QTMAN: variants seen among roughly 807,000 people sequenced by gnomAD.
QTMAN encodes tRNA-queuosine alpha-mannosyltransferase.
the QTMAN span, among the ~76,000 whole-genome samples, chr2:144,022,411 T>TCC: frequency 1.8e-4 from 28 of 152,132 alleles, no homozygotes; most frequent in African/African-American, 6.3e-4. Flanking sequence ...CACCTCAGTC[T>TCC]CCCAAGTAGC....
At chr2:144,288,399 G>C in the QTMAN span, among the ~76,000 whole-genome samples, 1 of 152,102 alleles carries the variant, frequency 6.6e-6, no homozygotes, top group Non-Finnish European at 1.5e-5. Flanking sequence ...AAATGTTAGG[G>C]TGATTCTATC....
At chr2:144,078,476 C>G in the QTMAN span, among the ~76,000 whole-genome samples, 1 of 152,192 alleles carries the variant, frequency 6.6e-6, no homozygotes, top group African/African-American at 2.4e-5. Flanking sequence ...TTAAATTTCT[C>G]AAAAACACTC....
chr2:144,062,103 A>T, the QTMAN span, among the ~76,000 whole-genome samples: 1 of 152,150 alleles, frequency 6.6e-6, no homozygotes, highest in Non-Finnish European at 1.5e-5. Flanking sequence ...GAACCCAAAA[A>T]GGCTGTCACA....
the QTMAN span, among the ~76,000 whole-genome samples, chr2:144,200,895 G>A: frequency 6.6e-5 from 10 of 152,258 alleles, no homozygotes; most frequent in East Asian, 1.9e-4. Context: ...AGAGGATACC[G>A]GTAGTGCGCA....
the QTMAN span, among the ~76,000 whole-genome samples, chr2:143,962,838 A>G: frequency 6.6e-6 from 1 of 152,188 alleles, no homozygotes; most frequent in Non-Finnish European, 1.5e-5. Context: ...TCTGAGTTAA[A>G]CAAAGGGTAG....
the QTMAN span, among the ~76,000 whole-genome samples, chr2:144,138,438 G>C: frequency 1.3e-5 from 2 of 151,992 alleles, no homozygotes; most frequent in African/African-American, 2.4e-5. Flanking sequence ...ATTTTAAGAT[G>C]TAAGAAATAA....
chr2:144,260,586 A>G, the QTMAN span, among the ~76,000 whole-genome samples: 4 of 152,098 alleles, frequency 2.6e-5, no homozygotes, highest in Non-Finnish European at 2.9e-5. Context: ...GTACTTATTC[A>G]TTCATTCACT....
the QTMAN span, among the ~76,000 whole-genome samples, chr2:144,284,636 C>T: frequency 1.4e-3 from 216 of 152,196 alleles, no homozygotes; most frequent in Non-Finnish European, 2.2e-3. Context: ...GCATTTTCCA[C>T]TAAATATAAA....
chr2:144,067,910 G>A, the QTMAN span, among the ~76,000 whole-genome samples: 53 of 152,314 alleles, frequency 3.5e-4, 1 homozygote, highest in African/African-American at 1.2e-3. Flanking sequence ...CAAAGGGAAA[G>A]CACCAGGGAG....
the QTMAN span, among the ~76,000 whole-genome samples, chr2:144,224,609 C>T: frequency 6.6e-6 from 1 of 152,040 alleles, no homozygotes; most frequent in African/African-American, 2.4e-5. Context: ...TGAGGAAACA[C>T]CTTGCTGATA....
chr2:143,999,248 C>T, the QTMAN span, among the ~76,000 whole-genome samples: 401 of 152,006 alleles, frequency 2.6e-3, 2 homozygotes, highest in African/African-American at 8.8e-3. Flanking sequence ...ACAGTGCCTT[C>T]GGTGCGTGGA....
the QTMAN span, among the ~76,000 whole-genome samples, chr2:144,019,435 G>GGTGTGTGTGTGTGTGTGTGTGT: frequency 2.3e-4 from 27 of 117,274 alleles, no homozygotes; most frequent in South Asian, 7.3e-4. Flanking sequence ...TAAGCATGCA[G>GGTGTGTGTGTGTGTGTGTGTGT]GTGTGTGTGT....
chr2:144,166,777 A>T, the QTMAN span, among the ~76,000 whole-genome samples: 1 of 152,158 alleles, frequency 6.6e-6, no homozygotes, highest in South Asian at 2.1e-4. Flanking sequence ...TTCAATAATG[A>T]CTCTAACATT....
At chr2:144,291,028 T>C in the QTMAN span, among the ~76,000 whole-genome samples, 15 of 152,256 alleles carry the variant, frequency 9.9e-5, no homozygotes, top group East Asian at 2.7e-3. Context: ...GTTTCAAGTC[T>C]CTCTCTCATC....
the QTMAN span, among the ~76,000 whole-genome samples, chr2:144,029,657 A>G: frequency 1.3e-5 from 2 of 152,338 alleles, no homozygotes; most frequent in East Asian, 3.9e-4. Flanking sequence ...ATGCTAGCAA[A>G]GCTCAGGGAG....
the QTMAN span, among the ~76,000 whole-genome samples, chr2:144,064,376 T>C: frequency 6.6e-6 from 1 of 152,202 alleles, no homozygotes; most frequent in Non-Finnish European, 1.5e-5. Context: ...ATGGAAAGAA[T>C]ATTTCTTTCA....
the QTMAN span, among the ~76,000 whole-genome samples, chr2:144,289,945 A>G: frequency 6.6e-6 from 1 of 152,184 alleles, no homozygotes; most frequent in South Asian, 2.1e-4. Context: ...TACGTAGTGA[A>G]CTGTAACTCA....
the QTMAN span, among the ~76,000 whole-genome samples, chr2:144,068,910 A>T: frequency 6.6e-6 from 1 of 152,200 alleles, no homozygotes; most frequent in East Asian, 1.9e-4. Context: ...AAGAGCCAAG[A>T]AGTCTCAAGA....
the QTMAN span, among the ~76,000 whole-genome samples, chr2:144,185,816 A>G: frequency 6.6e-6 from 1 of 152,232 alleles, no homozygotes; most frequent in African/African-American, 2.4e-5. Flanking sequence ...AGGAGAAAAG[A>G]AGTTAGATTA....
Sources: allele counts gnomAD v4.1 joint callset (sites outside exome capture counted in the v4.1 genomes callset), GRCh38; gene constraint gnomAD v4.1.1; transcripts MANE v1.5; gene names NCBI Gene and HGNC (gene_info 2026-07-23, HGNC 2026-07-21).